The following HAUS7 variants were observed in gnomAD, a reference collection of about 807,000 sequenced individuals.
The protein encoded by HAUS7 is HAUS augmin-like complex subunit 7.
In HAUS7, 3 loss-of-function variants were observed where a neutral mutation model predicts 28.4. That is an observed-to-expected ratio of 0.11 (90% CI 0.05 to 0.27). The LOEUF (loss-of-function observed/expected upper bound fraction) is 0.27. Among genes scored for constraint, HAUS7 ranks in the 10% least tolerant of loss-of-function variants. The probability of loss-of-function intolerance (pLI) is 1.00; values close to 1 mark genes in which losing one functional copy is unlikely to be tolerated. For synonymous variants in HAUS7, 165 were observed against 132.1 expected (o/e 1.25, Z -1.71); for missense variants, 284 against 297.3 (o/e 0.96, Z 0.33).
chrX:153,456,318 G>C lies in HAUS7; in HGVS notation c.652C>G (p.Leu218Val). Residue 218 changes from leucine (L) to valine (V), a missense_variant, in exon 7 of 10, where the codon CTT becomes GTT. By Grantham distance (32) the Leu-to-Val change is conservative (BLOSUM62 1). Transcript: ENST00000370211. ...KSEEEEKLAE[L>V]ARQLQESAAK... ...GCACTCTCCTGCAGCTGCCTGGCAA[G>C]CTCCGCCAGCTTCTCCTCCTCCTCG... The C allele has an allele frequency of 8.3e-7, 1 of 1,211,370 alleles. No individual in the cohort carries two copies. Among genetic ancestry groups the C allele is most frequent in the Non-Finnish European group, 1.1e-6 (1 of 895,006 alleles).
At chrX:153,482,209 A>T in intron 1 of HAUS7, 1 of 564,954 alleles carries the variant, frequency 1.8e-6, no homozygotes. Context: ...CTAGGAAGCC[A>T]TGATGCCACC....
At chrX:153,488,804 A>G (rs2089654518) in intron 1 of HAUS7, among the ~76,000 whole-genome samples, 1 of 112,853 alleles carries the variant, frequency 8.9e-6, no homozygotes, top group African/African-American at 3.2e-5. Context: ...AGTCCCCGAC[A>G]TCTCCTGCCC....
intron 1 of HAUS7, among the ~76,000 whole-genome samples, chrX:153,486,285 C>T (rs1240602421): frequency 1.8e-5 from 2 of 112,789 alleles, no homozygotes; most frequent in African/African-American, 6.4e-5. Context: ...CATCCATCCT[C>T]CCCCAATCCA....
intron 9 of HAUS7, among the ~76,000 whole-genome samples, chrX:153,453,126 C>CT (rs1176253458): frequency 2.7e-5 from 3 of 112,497 alleles, no homozygotes; most frequent in Non-Finnish European, 5.6e-5. Context: ...ATGGATAACC[C>CT]TTACAAAACT....
chrX:153,489,211 C>T (rs782354010), intron 1 of HAUS7, among the ~76,000 whole-genome samples: 224 of 112,521 alleles, frequency 2.0e-3, no homozygotes, highest in African/African-American at 6.5e-3. Context: ...CTGGGGACTT[C>T]ACTTCTTGGG....
Position 153,447,836 on chromosome X carries a change from G to C in HAUS7, c.*42C>G. 9.0e-7 allele frequency: 1 copy of C among 1,114,214 alleles called. No homozygotes were observed. The highest frequency in any genetic ancestry group is 1.2e-6 in the Non-Finnish European group (1 of 805,716). The allele number at this position is 1,114,214 out of a possible 1,213,427, so 91.8% of individuals were successfully genotyped here. A position where few individuals can be genotyped will look rare whatever the true frequency, so the allele number is the denominator to read the frequency against. On this transcript the variant is annotated 3_prime_UTR_variant, in exon 10 of 10. Coordinates refer to ENST00000370211, the MANE Select transcript of HAUS7 (RefSeq NM_001385482.1). Reference sequence around the variant, plus strand: ...GATCTTGGGAGAGGGCTTCCTGCCCGCCCCATCCTGTGCTTTGGCGTAGGC... The same window carrying C: ...GATCTTGGGAGAGGGCTTCCTGCCCCCCCCATCCTGTGCTTTGGCGTAGGC...
At chrX:153,486,453 G>T (rs963713789) in intron 1 of HAUS7, among the ~76,000 whole-genome samples, 2 of 112,516 alleles carry the variant, frequency 1.8e-5, no homozygotes, top group Non-Finnish European at 3.8e-5. Flanking sequence ...GAGTTGGGAG[G>T]GGGCCAGGAG....
chrX:153,457,156 C>A lies in HAUS7; in HGVS notation c.427G>T (p.Gly143Trp), dbSNP rs1556982440. Reference sequence around the variant, plus strand: ...CTTTACCTCGAGCAACTGGAGCACCCAATGGTCAGGCTCCGGATGGTATCG... The same window carrying A: ...CTTTACCTCGAGCAACTGGAGCACCAAATGGTCAGGCTCCGGATGGTATCG... ...LLDTIRSLTI[G>W]CSSCSSLMEH... is the part of the protein sequence containing the mutation. The change falls in exon 5 of 10, where the codon GGG becomes TGG. Residue 143 changes from glycine (G) to tryptophan (W), a missense_variant. Gly to Trp is a radical substitution (Grantham distance 184, BLOSUM62 -2). Transcript: ENST00000370211. 8.4e-7 allele frequency: 1 copy of A among 1,195,119 alleles called. No homozygotes were observed. Among genetic ancestry groups the A allele is most frequent in the South Asian group, 1.8e-5 (1 of 56,681 alleles).
At chrX:153,460,849 T>G (rs1392441254) in intron 4 of HAUS7, among the ~76,000 whole-genome samples, 1 of 112,425 alleles carries the variant, frequency 8.9e-6, no homozygotes, top group Non-Finnish European at 1.9e-5. Flanking sequence ...GTGGGTGGTT[T>G]ATGTCTGGAG....
At chrX:153,491,456 T>C (rs1556989568) in intron 1 of HAUS7, among the ~76,000 whole-genome samples, 1 of 112,742 alleles carries the variant, frequency 8.9e-6, no homozygotes, top group African/African-American at 3.2e-5. Flanking sequence ...GCCAAGGAGA[T>C]GGCAGCTGGC....
rs781919065 is a variant in HAUS7 at position 153,455,662 on chromosome X, C to G, written c.810G>C (p.Leu270Phe). 2.5e-6 allele frequency: 3 copies of G among 1,205,710 alleles called. No homozygotes were observed. In the East Asian group the frequency reaches 8.9e-5, roughly 36 times the overall value. ...LVTSDFHQLI[L>F]AFLQVYDDEL... is the part of the protein sequence containing the mutation. The stretch of plus-strand genomic sequence containing the variant: ...CGTCGTCGTAGACTTGGAGAAAAGC[C>G]AAGATTAGCTGGTGGAAGTCGGAAG... Residue 270 changes from leucine (L) to phenylalanine (F), a missense_variant, in exon 8 of 10, where the codon TTG (leucine) becomes TTC (phenylalanine). Physicochemically the swap from Leu to Phe is conservative, Grantham distance 22. Transcript: ENST00000370211.
At chrX:153,488,750 C>A (rs1209880714) in intron 1 of HAUS7, among the ~76,000 whole-genome samples, 2 of 112,842 alleles carry the variant, frequency 1.8e-5, no homozygotes, top group Admixed American at 9.3e-5. Context: ...TTCTCGCAGT[C>A]CCAGAGGTCA....
chrX:153,454,830 A>T lies in HAUS7; in HGVS notation c.931-322T>A, dbSNP rs2089284162. 5.8e-6 allele frequency: 5 copies of T among 868,888 alleles called. No individual in the cohort carries two copies. The Middle Eastern group carries it at 1.2e-3, about 211-fold the overall frequency. The allele number at this position is 868,888 out of a possible 1,213,427, so 71.6% of individuals were successfully genotyped here. ...AGCCCCAGCAATTGGCAAGGGGGGAAAATAAATGTCCCAAGAAAAATGGAC... is the reference window on the plus strand; with the variant it reads ...AGCCCCAGCAATTGGCAAGGGGGGATAATAAATGTCCCAAGAAAAATGGAC... On this transcript the variant is annotated intron_variant, in intron 8 of 9. Transcript: ENST00000370211.
intron 7 of HAUS7, 73 bp from the exon 8 acceptor site, chrX:153,455,839 G>A: frequency 1.6e-6 from 1 of 606,074 alleles, no homozygotes; most frequent in Non-Finnish European, 2.7e-6. Flanking sequence ...CCTCACCTCA[G>A]ACACTGCACA....
chrX:153,475,301 C>G (rs1282424544), upstream of HAUS7, among the ~76,000 whole-genome samples: 2 of 111,901 alleles, frequency 1.8e-5, no homozygotes, highest in Non-Finnish European at 3.8e-5. Flanking sequence ...CTGCAGTCCC[C>G]CTCCACTGGC....
chrX:153,482,631 C>T, intron 1 of HAUS7: 1 of 731,550 alleles, frequency 1.4e-6, no homozygotes, highest in African/African-American at 2.3e-5. Flanking sequence ...GGTAAGGGGC[C>T]CTGGCCTCTA....
chrX:153,469,226 G>A lies in HAUS7; in HGVS notation c.144C>T (p.Ile48=), dbSNP rs781956879. The A allele has an allele frequency of 5.9e-6, 7 of 1,184,875 alleles. No homozygotes were observed. In the African/African-American group the frequency reaches 1.1e-4, roughly 18 times the overall value. ...GTTCCTGAATTGTCTTTGGCTCTGT[G>A]ATATACAGACCCTCGAGGAAGGGGC... ...LNCPFLEGLY[I]TEPKTIQELL... The change falls in exon 2 of 10, where the codon ATC becomes ATT. Residue 48 remains isoleucine, a synonymous_variant. Transcript: ENST00000370211.
At chrX:153,468,404 G>A (rs1278482331) in intron 2 of HAUS7, among the ~76,000 whole-genome samples, 4 of 112,735 alleles carry the variant, frequency 3.5e-5, no homozygotes, top group Non-Finnish European at 7.5e-5. Context: ...AATCCCACAG[G>A]AGCCTGTGCT....
chrX:153,486,234 T>A, intron 1 of HAUS7: 1 of 377,026 alleles, frequency 2.7e-6, no homozygotes, highest in Non-Finnish European at 4.0e-6. Flanking sequence ...TTTGGGCTCC[T>A]TACCCACAGG....
Sources: gnomAD v4.1 joint callset for allele counts (sites outside exome capture counted in the v4.1 genomes callset) on GRCh38, gnomAD v4.1.1 for gene constraint, MANE v1.5 for transcripts, NCBI Gene and HGNC (gene_info 2026-07-23, HGNC 2026-07-21) for gene names.